The following DRC11 variants were observed in gnomAD, a reference collection of about 807,000 sequenced individuals.
DRC11 encodes the protein IQ and AAA domain-containing protein 1.
At chr2:236,409,619 G>T in the DRC11 span, among the ~76,000 whole-genome samples, 727 of 151,750 alleles carry the variant, frequency 4.8e-3, 5 homozygotes, top group African/African-American at 0.017. Flanking sequence ...CTGCCTGATT[G>T]CCCTGGCCAG....
chr2:236,371,857 T>G, the DRC11 span, among the ~76,000 whole-genome samples: 1 of 152,192 alleles, frequency 6.6e-6, no homozygotes, highest in East Asian at 1.9e-4. The surrounding 1 kb of genome is among the most constrained non-coding windows in gnomAD (Gnocchi z 5.1). Flanking sequence ...TGTCACTCCA[T>G]TTACTTCTGG....
the DRC11 span, among the ~76,000 whole-genome samples, chr2:236,387,135 T>A: frequency 6.6e-6 from 1 of 151,624 alleles, no homozygotes; most frequent in African/African-American, 2.4e-5. Context: ...AAAATGTATA[T>A]TCTGTTGATT....
chr2:236,407,734 G>T, the DRC11 span: 1 of 266,250 alleles, frequency 3.8e-6, no homozygotes, highest in Non-Finnish European at 7.3e-6. Context: ...TCTCTTTAAA[G>T]AACCTCCTCA....
chr2:236,357,473 T>A, the DRC11 span, among the ~76,000 whole-genome samples: 726 of 127,192 alleles, frequency 5.7e-3, 7 homozygotes, highest in African/African-American at 0.022. Flanking sequence ...ACATATTACA[T>A]GTATATTTAT....
At chr2:236,486,384 G>A in the DRC11 span, among the ~76,000 whole-genome samples, 1 of 152,148 alleles carries the variant, frequency 6.6e-6, no homozygotes, top group East Asian at 1.9e-4. This position sits in a 1 kb window ranked among gnomAD's most constrained non-coding sequence, Gnocchi z 5.7. Context: ...GGTGTTTTAA[G>A]CTACTAAGTT....
chr2:236,504,870 C>T, the DRC11 span, among the ~76,000 whole-genome samples: 3 of 152,170 alleles, frequency 2.0e-5, no homozygotes, highest in African/African-American at 7.2e-5. The surrounding 1 kb of genome is among the most constrained non-coding windows in gnomAD (Gnocchi z 5.0). Context: ...TTGACTTCAC[C>T]TGCTGTCATG....
chr2:236,425,207 C>G, the DRC11 span, among the ~76,000 whole-genome samples: 4 of 151,900 alleles, frequency 2.6e-5, no homozygotes, highest in Non-Finnish European at 5.9e-5. Flanking sequence ...TCATATAGTT[C>G]TATTTTTCAT....
chr2:236,407,141 T>C, the DRC11 span, among the ~76,000 whole-genome samples: 1 of 152,182 alleles, frequency 6.6e-6, no homozygotes, highest in African/African-American at 2.4e-5. Context: ...CCTCATGGCT[T>C]TGAGGGCTGC....
At chr2:236,399,051 G>T in the DRC11 span, among the ~76,000 whole-genome samples, 2 of 151,764 alleles carry the variant, frequency 1.3e-5, no homozygotes, top group African/African-American at 4.8e-5. The surrounding 1 kb of genome is among the most constrained non-coding windows in gnomAD (Gnocchi z 7.0). Flanking sequence ...GTGCAATGGC[G>T]TGATATCGGC....
At chr2:236,341,433 C>T in the DRC11 span, among the ~76,000 whole-genome samples, 2 of 152,162 alleles carry the variant, frequency 1.3e-5, no homozygotes, top group Admixed American at 6.5e-5. Flanking sequence ...GTAAAAGTGG[C>T]AGGGGTTGGA....
At chr2:236,354,208 A>G in the DRC11 span, among the ~76,000 whole-genome samples, 12 of 67,766 alleles carry the variant, frequency 1.8e-4, no homozygotes, top group South Asian at 3.3e-4. Flanking sequence ...GTGTGTGTCA[A>G]TGTATGTGTG....
chr2:236,408,812 C>T, the DRC11 span: 4 of 664,936 alleles, frequency 6.0e-6, no homozygotes, highest in Admixed American at 2.1e-5. This position sits in a 1 kb window ranked among gnomAD's most constrained non-coding sequence, Gnocchi z 5.5. Context: ...ACATAGCCCA[C>T]AATGCCCATA....
the DRC11 span, among the ~76,000 whole-genome samples, chr2:236,372,780 T>C: frequency 3.9e-5 from 6 of 152,220 alleles, no homozygotes; most frequent in African/African-American, 1.4e-4. The surrounding 1 kb of genome is among the most constrained non-coding windows in gnomAD (Gnocchi z 4.5). Context: ...TAGCTACTTT[T>C]TATTTTTTAT....
At chr2:236,435,321 C>A in the DRC11 span, among the ~76,000 whole-genome samples, 2,243 of 152,326 alleles carry the variant, frequency 0.015, 61 homozygotes, top group African/African-American at 0.051. Flanking sequence ...CAGGGGTCAG[C>A]AAATTATGGC....
At chr2:236,372,337 T>C in the DRC11 span, among the ~76,000 whole-genome samples, 2 of 152,208 alleles carry the variant, frequency 1.3e-5, no homozygotes, top group African/African-American at 4.8e-5. This position sits in a 1 kb window ranked among gnomAD's most constrained non-coding sequence, Gnocchi z 4.5. Context: ...CGTTTTCCAG[T>C]GGTTGTTGGC....
At chr2:236,421,322 T>C in the DRC11 span, among the ~76,000 whole-genome samples, 312 of 151,648 alleles carry the variant, frequency 2.1e-3, no homozygotes, top group Non-Finnish European at 3.9e-3. Context: ...GCAAGACTAA[T>C]AAAGAAGAAA....
the DRC11 span, among the ~76,000 whole-genome samples, chr2:236,376,646 A>G: frequency 1.3e-5 from 2 of 152,228 alleles, no homozygotes; most frequent in African/African-American, 4.8e-5. This position sits in a 1 kb window ranked among gnomAD's most constrained non-coding sequence, Gnocchi z 5.7. Flanking sequence ...TGAGGCTGTG[A>G]TAACAAATGT....
the DRC11 span, among the ~76,000 whole-genome samples, chr2:236,372,698 T>C: frequency 6.6e-6 from 1 of 152,180 alleles, no homozygotes; most frequent in African/African-American, 2.4e-5. This position sits in a 1 kb window ranked among gnomAD's most constrained non-coding sequence, Gnocchi z 4.5. Flanking sequence ...CAACCTTGAA[T>C]TCCTAGGCTC....
the DRC11 span, among the ~76,000 whole-genome samples, chr2:236,339,012 G>C: frequency 6.6e-6 from 1 of 152,198 alleles, no homozygotes; most frequent in Admixed American, 6.5e-5. Context: ...ATGGGCAACA[G>C]CCTGGCTGCA....
Sources: gnomAD v4.1 joint callset for allele counts (sites outside exome capture counted in the v4.1 genomes callset) on GRCh38, gnomAD v4.1.1 for gene constraint, Gnocchi (gnomAD v3.1) non-coding constraint, MANE v1.5 for transcripts, NCBI Gene and HGNC (gene_info 2026-07-23, HGNC 2026-07-21) for gene names.